Variants in CADPS2 observed in about 807,000 individuals in gnomAD.
CADPS2 encodes the protein calcium dependent secretion activator 2, also known as calcium-dependent secretion activator 2.
A neutral mutation model predicts 172.5 loss-of-function variants in CADPS2; 93 were observed. The ratio of observed to expected loss-of-function variants is 0.54; its 90% confidence interval spans 0.46 to 0.64. The LOEUF (loss-of-function observed/expected upper bound fraction) is 0.64, where lower values mean the gene tolerates loss of function less well. Among genes scored for constraint, CADPS2 ranks in the 30% least tolerant of loss-of-function variants. CADPS2 has a pLI of 0.00. For synonymous variants in CADPS2, 546 were observed against 555.2 expected (o/e 0.98, Z 0.23); for missense variants, 1,420 against 1,565.9 (o/e 0.91, Z 1.57).
At chr7:122,858,083 C>T (rs898622749) in intron 1 of CADPS2, among the ~76,000 whole-genome samples, 1 of 152,124 alleles carries the variant, frequency 6.6e-6, no homozygotes, top group Non-Finnish European at 1.5e-5. Context: ...AGGTTTTAGT[C>T]CCTTATTTGT....
intron 1 of CADPS2, among the ~76,000 whole-genome samples, chr7:122,775,158 C>T (rs73719774): frequency 0.017 from 2,606 of 151,990 alleles, 67 homozygotes; most frequent in African/African-American, 0.057. Context: ...TATCCAATGG[C>T]GATATTAAAA....
intron 1 of CADPS2, among the ~76,000 whole-genome samples, chr7:122,851,304 T>G (rs746066755): frequency 1.3e-5 from 2 of 152,078 alleles, no homozygotes; most frequent in Non-Finnish European, 1.5e-5. Flanking sequence ...TCCTTGAGCT[T>G]AAAGTCACTC....
chr7:122,755,741 A>G (rs947015343), intron 1 of CADPS2, among the ~76,000 whole-genome samples: 4 of 151,886 alleles, frequency 2.6e-5, no homozygotes, highest in Middle Eastern at 3.4e-3. Flanking sequence ...AAAAAAAAAA[A>G]GGGAAACTGA....
In CADPS2 at chr7:122,785,189, T is replaced by C. The variant is rs902798367; in HGVS notation, c.340-48121A>G. Among the ~76,000 whole-genome samples the C allele has an allele frequency of 2.0e-5, 3 of 152,180 alleles. No individual in the cohort carries two copies. In the East Asian group the frequency reaches 5.8e-4, roughly 29 times the overall value. ...TTGAATCTCCCTAGGTATTATACTT[T>C]TATTTTTACTTTTTCAAATGTTCAC... On this transcript the variant is annotated intron_variant, in intron 1 of 29. Coordinates refer to ENST00000449022, the MANE Select transcript of CADPS2 (RefSeq NM_017954.11).
intron 8 of CADPS2, among the ~76,000 whole-genome samples, chr7:122,529,972 C>A (rs1276250620): frequency 6.6e-6 from 1 of 152,036 alleles, no homozygotes; most frequent in Non-Finnish European, 1.5e-5. Context: ...AATTAGAAAA[C>A]TGGCATGAAA....
chr7:122,449,941 C>A (rs1478056174), intron 15 of CADPS2, among the ~76,000 whole-genome samples: 2 of 152,080 alleles, frequency 1.3e-5, no homozygotes, highest in Admixed American at 6.6e-5. Flanking sequence ...CTACTAGCCC[C>A]AGTTGAAAAA....
At chr7:122,843,224 C>G (rs533845171) in intron 1 of CADPS2, among the ~76,000 whole-genome samples, 1 of 151,930 alleles carries the variant, frequency 6.6e-6, no homozygotes, top group East Asian at 1.9e-4. Flanking sequence ...AATCACACAT[C>G]ATAAGAGTTG....
In CADPS2 at chr7:122,590,631, A is replaced by T. The variant is rs2070647560; in HGVS notation, c.1224-9341T>A. Among the ~76,000 whole-genome samples, 9 of 151,878 alleles carry T rather than the reference A, an allele frequency of 5.9e-5. No homozygotes were observed. The Admixed American group carries it at 5.9e-4, about 10-fold the overall frequency. ...TGATGAAAAGAATAAAAGATCAGAGACAGATTTCTAAGGCAGCCCAATACT... is the reference window on the plus strand; with the variant it reads ...TGATGAAAAGAATAAAAGATCAGAGTCAGATTTCTAAGGCAGCCCAATACT... On this transcript the variant is annotated intron_variant, in intron 6 of 29. Transcript: ENST00000449022.
At chr7:122,546,943 G>T (rs903525578) in intron 8 of CADPS2, among the ~76,000 whole-genome samples, 2 of 151,998 alleles carry the variant, frequency 1.3e-5, no homozygotes, top group African/African-American at 4.8e-5. Flanking sequence ...ACACCAAATA[G>T]AATTGACAGA....
intron 1 of CADPS2, among the ~76,000 whole-genome samples, chr7:122,865,570 A>G (rs2141372706): frequency 6.6e-6 from 1 of 152,312 alleles, no homozygotes; most frequent in African/African-American, 2.4e-5. Context: ...TGACTTCTGT[A>G]CAAACATTGC....
chr7:122,693,207 T>C (rs1390525331), intron 2 of CADPS2, among the ~76,000 whole-genome samples: 4 of 152,202 alleles, frequency 2.6e-5, no homozygotes, highest in African/African-American at 2.4e-5. Flanking sequence ...TTCTCTCCAT[T>C]AGAATGTCCT....
chr7:122,823,060 A>T (rs1010627258), intron 1 of CADPS2, among the ~76,000 whole-genome samples: 3 of 152,242 alleles, frequency 2.0e-5, no homozygotes, highest in East Asian at 3.9e-4. Context: ...TCTGATAATT[A>T]GTGATGTTGA....
intron 4 of CADPS2, among the ~76,000 whole-genome samples, chr7:122,627,292 C>T (rs1008311460): frequency 2.0e-5 from 3 of 152,176 alleles, no homozygotes; most frequent in Admixed American, 6.5e-5. Flanking sequence ...CAAGGTCAGT[C>T]AATTGTTATT....
intron 29 of CADPS2, among the ~76,000 whole-genome samples, chr7:122,320,624 T>C (rs2032220298): frequency 6.6e-6 from 1 of 152,202 alleles, no homozygotes. Context: ...CAATTTACCT[T>C]TTGAACAACC....
At chr7:122,337,119 T>C (rs1196582791) in intron 28 of CADPS2, among the ~76,000 whole-genome samples, 1 of 152,194 alleles carries the variant, frequency 6.6e-6, no homozygotes, top group Non-Finnish European at 1.5e-5. Flanking sequence ...TTTAGCCTCC[T>C]GGGAGGGCCC....
At chr7:122,679,405 C>T (rs945743038) in intron 2 of CADPS2, among the ~76,000 whole-genome samples, 4 of 151,924 alleles carry the variant, frequency 2.6e-5, no homozygotes, top group African/African-American at 7.3e-5. Flanking sequence ...GAATTCTAGT[C>T]AGACCGGTTC....
At chr7:122,611,291 T>A (rs1011697832) in intron 6 of CADPS2, among the ~76,000 whole-genome samples, 11 of 151,526 alleles carry the variant, frequency 7.3e-5, no homozygotes, top group Admixed American at 7.2e-4. Flanking sequence ...AGTCTTTTAA[T>A]GGACAAACTT....
chr7:122,351,554 T>C (rs2038644882), intron 27 of CADPS2, among the ~76,000 whole-genome samples: 1 of 151,808 alleles, frequency 6.6e-6, no homozygotes, highest in South Asian at 2.1e-4. Flanking sequence ...ATAATGACAC[T>C]CACATCCTTT....
At chr7:122,749,814 T>C (rs549543198) in intron 1 of CADPS2, among the ~76,000 whole-genome samples, 4 of 151,940 alleles carry the variant, frequency 2.6e-5, no homozygotes, top group Non-Finnish European at 4.4e-5. Flanking sequence ...CTCTTCAGGA[T>C]TGGCATTAAA....
Sources: gnomAD v4.1 joint callset for allele counts (sites outside exome capture counted in the v4.1 genomes callset) on GRCh38, gnomAD v4.1.1 for gene constraint, MANE v1.5 for transcripts, NCBI Gene and HGNC (gene_info 2026-07-23, HGNC 2026-07-21) for gene names.